The following RABGEF1 variants were observed in gnomAD, a reference collection of about 807,000 sequenced individuals.
RABGEF1 encodes RAB guanine nucleotide exchange factor 1, also known as rab5 GDP/GTP exchange factor.
In RABGEF1, 26 loss-of-function variants were observed where a neutral mutation model predicts 57.3. That is an observed-to-expected ratio of 0.45 (90% CI 0.33 to 0.63). RABGEF1 has a LOEUF of 0.63. Ranked by LOEUF, RABGEF1 falls within the 20% of genes least tolerant of loss-of-function variation. The pLI is 0.02. For missense variants in RABGEF1, 464 were observed against 607.6 expected (o/e 0.76, Z 2.48); for synonymous variants, 185 against 210.7 (o/e 0.88, Z 1.06).
intron 1 of RABGEF1, among the ~76,000 whole-genome samples, chr7:66,766,934 G>A (rs979763846): frequency 6.6e-6 from 1 of 150,588 alleles, no homozygotes; most frequent in African/African-American, 2.4e-5. Context: ...TTGTCTCTTG[G>A]TCAGTATCTG....
At chr7:66,671,669 A>C in the RABGEF1 span, among the ~76,000 whole-genome samples, 4 of 152,174 alleles carry the variant, frequency 2.6e-5, no homozygotes, top group Non-Finnish European at 5.9e-5. Flanking sequence ...ACAACAGGAA[A>C]ATAGCAGCCA....
chr7:66,737,051 GGAGA>G (rs146350696), upstream of RABGEF1, among the ~76,000 whole-genome samples: 148 of 124,970 alleles, frequency 1.2e-3, no homozygotes, highest in African/African-American at 2.4e-3. Context: ...ATATGAGGGG[GGAGA>G]GAGAGAGAGA....
At chr7:66,715,825 T>G (rs975969668) in intron 2 of RABGEF1, among the ~76,000 whole-genome samples, 3 of 152,124 alleles carry the variant, frequency 2.0e-5, no homozygotes, top group Non-Finnish European at 2.9e-5. Context: ...ACAATCATAG[T>G]GCACTACAGT....
intron 2 of RABGEF1, among the ~76,000 whole-genome samples, chr7:66,723,185 T>C (rs1796236147): frequency 6.6e-6 from 1 of 152,110 alleles, no homozygotes; most frequent in African/African-American, 2.4e-5. Flanking sequence ...GCCAGTCTGG[T>C]CTCCAATTCT....
In RABGEF1 at chr7:66,693,922, C is replaced by T. The variant is rs1791931510; in HGVS notation, c.-873+11664C>T. On this transcript the variant is annotated intron_variant and NMD_transcript_variant, in intron 1 of 9. Coordinates refer to the RABGEF1 transcript ENST00000607882. Reference sequence around the variant, plus strand: ...TCTGGGGCTCAAGCGATTCTCCTGCCTCATCCACCAGAGTAGTTGGGATTA... The same window carrying T: ...TCTGGGGCTCAAGCGATTCTCCTGCTTCATCCACCAGAGTAGTTGGGATTA... Among the ~76,000 whole-genome samples, 4 of 152,180 alleles carry T rather than the reference C, an allele frequency of 2.6e-5. No homozygotes were observed. The South Asian group carries it at 8.3e-4, about 32-fold the overall frequency.
the RABGEF1 span, among the ~76,000 whole-genome samples, chr7:66,658,370 T>C: frequency 6.6e-6 from 1 of 151,810 alleles, no homozygotes; most frequent in African/African-American, 2.4e-5. Flanking sequence ...CCTTCTCTAC[T>C]AAAAATACAA....
intron 2 of RABGEF1, among the ~76,000 whole-genome samples, chr7:66,734,488 GT>G: frequency 6.6e-6 from 1 of 152,106 alleles, no homozygotes; most frequent in Middle Eastern, 3.4e-3. Flanking sequence ...TAGAGATGGG[GT>G]TTTGCTATGT....
intron 2 of RABGEF1, among the ~76,000 whole-genome samples, chr7:66,734,979 T>G (rs751657929): frequency 1.3e-5 from 2 of 152,162 alleles, no homozygotes; most frequent in African/African-American, 4.8e-5. Flanking sequence ...TTTATAAAAC[T>G]CCTTAGGAAG....
chr7:66,796,737 C>T (rs1478804754), intron 5 of RABGEF1: 8 of 315,762 alleles, frequency 2.5e-5, no homozygotes, highest in Admixed American at 4.6e-5. Flanking sequence ...ATTACAGGTG[C>T]GTGCCACCAC....
At chr7:66,698,534 G>A (rs1186904283) in intron 1 of RABGEF1, among the ~76,000 whole-genome samples, 1 of 152,248 alleles carries the variant, frequency 6.6e-6, no homozygotes, top group African/African-American at 2.4e-5. Context: ...GACGATGGGT[G>A]AGGGGAGGTG....
chr7:66,799,820 TC>T (rs1350462677), intron 7 of RABGEF1, among the ~76,000 whole-genome samples: 1 of 152,158 alleles, frequency 6.6e-6, no homozygotes, highest in African/African-American at 2.4e-5. Flanking sequence ...GGCAAGGTAA[TC>T]CCCACGCTGG....
intron 2 of RABGEF1, among the ~76,000 whole-genome samples, chr7:66,774,863 C>T (rs1191404698): frequency 6.6e-6 from 1 of 152,232 alleles, no homozygotes. Context: ...GTTGTTCTTT[C>T]CTGTGTTCTC....
intron 1 of RABGEF1, among the ~76,000 whole-genome samples, chr7:66,752,652 T>A (rs1374592481): frequency 1.3e-5 from 2 of 152,222 alleles, no homozygotes; most frequent in Non-Finnish European, 2.9e-5. Context: ...TTCTCAAAGG[T>A]AGTTCCTAGC....
intron 2 of RABGEF1, among the ~76,000 whole-genome samples, chr7:66,712,522 G>A (rs1456836302): frequency 3.9e-5 from 6 of 152,092 alleles, no homozygotes; most frequent in African/African-American, 7.2e-5. Flanking sequence ...CCAGGCTGGA[G>A]TGCAGTGTCG....
intron 1 of RABGEF1, among the ~76,000 whole-genome samples, chr7:66,749,497 G>T (rs1800937516): frequency 6.6e-6 from 1 of 152,198 alleles, no homozygotes; most frequent in Non-Finnish European, 1.5e-5. Context: ...CAAATACAAA[G>T]TGTAAAAACA....
chr7:66,746,103 A>G (rs1392104724), intron 1 of RABGEF1, among the ~76,000 whole-genome samples: 2 of 152,216 alleles, frequency 1.3e-5, no homozygotes, highest in African/African-American at 4.8e-5. Context: ...TATTGTTACA[A>G]TATGTAAACA....
chr7:66,663,121 G>T, the RABGEF1 span, among the ~76,000 whole-genome samples: 5 of 152,258 alleles, frequency 3.3e-5, no homozygotes, highest in African/African-American at 1.2e-4. Flanking sequence ...TCTTAAGGGC[G>T]TGTTCCTGCT....
intron 1 of RABGEF1, among the ~76,000 whole-genome samples, chr7:66,769,984 A>T (rs1806671284): frequency 6.6e-6 from 1 of 152,166 alleles, no homozygotes; most frequent in African/African-American, 2.4e-5. Flanking sequence ...AGGCTCTTTA[A>T]GGTCTATCGC....
At chr7:66,694,839 A>G (rs1222445299) in intron 1 of RABGEF1, among the ~76,000 whole-genome samples, 2 of 152,106 alleles carry the variant, frequency 1.3e-5, no homozygotes, top group East Asian at 3.9e-4. Context: ...CAATGAGGGG[A>G]ACAACGGGGC....
Sources: gnomAD v4.1 joint callset for allele counts (sites outside exome capture counted in the v4.1 genomes callset) on GRCh38, gnomAD v4.1.1 for gene constraint, MANE v1.5 for transcripts, NCBI Gene and HGNC (gene_info 2026-07-23, HGNC 2026-07-21) for gene names.